Variants in ST6GALNAC3 observed in about 807,000 individuals in gnomAD.
ST6GALNAC3 encodes the protein ST6 N-acetylgalactosaminide alpha-2,6-sialyltransferase 3.
Under a neutral mutation model 32.7 loss-of-function variants are expected in ST6GALNAC3, and 25 were observed. The observed-to-expected ratio is 0.76, with a 90% CI of 0.56 to 1.07. ST6GALNAC3 has a LOEUF of 1.07. Ranked by LOEUF, ST6GALNAC3 falls within the 50% of genes least tolerant of loss-of-function variation. ST6GALNAC3 has a pLI of 0.00. For missense variants in ST6GALNAC3, 355 were observed against 382.4 expected (o/e 0.93, Z 0.60); for synonymous variants, 129 against 133.1 (o/e 0.97, Z 0.21).
chr1:76,247,952 G>A (rs1288896983), intron 1 of ST6GALNAC3, among the ~76,000 whole-genome samples: 1 of 151,734 alleles, frequency 6.6e-6, no homozygotes, highest in Non-Finnish European at 1.5e-5. Context: ...CCCTGGTGGT[G>A]TAGGCTCACC....
chr1:76,591,454 G>C (rs1167610002), intron 3 of ST6GALNAC3, among the ~76,000 whole-genome samples: 3 of 152,060 alleles, frequency 2.0e-5, no homozygotes, highest in Admixed American at 1.3e-4. Flanking sequence ...TTTTTCCAGA[G>C]AGCCCAGGGC....
chr1:76,168,250 G>A (rs1652254002), intron 1 of ST6GALNAC3, among the ~76,000 whole-genome samples: 1 of 152,124 alleles, frequency 6.6e-6, no homozygotes, highest in African/African-American at 2.4e-5. Context: ...TTACCTCAAA[G>A]CCATTTAGGA....
At chr1:76,155,818 A>C (rs1030058469) in intron 1 of ST6GALNAC3, among the ~76,000 whole-genome samples, 1 of 152,050 alleles carries the variant, frequency 6.6e-6, no homozygotes, top group Non-Finnish European at 1.5e-5. Flanking sequence ...TTGTTGTTTT[A>C]ATCATATTAG....
intron 1 of ST6GALNAC3, among the ~76,000 whole-genome samples, chr1:76,126,037 T>C (rs1432021640): frequency 1.3e-5 from 2 of 152,212 alleles, no homozygotes; most frequent in Non-Finnish European, 2.9e-5. Context: ...GGAAATCTTA[T>C]TGGATTTTCA....
intron 1 of ST6GALNAC3, among the ~76,000 whole-genome samples, chr1:76,257,906 G>A (rs997544826): frequency 1.3e-5 from 2 of 151,992 alleles, no homozygotes; most frequent in African/African-American, 2.4e-5. Context: ...GTGGAATCTC[G>A]CTCTATAAAG....
At chr1:76,594,774 T>G (rs985830560) in intron 3 of ST6GALNAC3, among the ~76,000 whole-genome samples, 5 of 152,204 alleles carry the variant, frequency 3.3e-5, no homozygotes, top group Non-Finnish European at 1.5e-5. Context: ...ATGCTGATTC[T>G]TGATTTTATT....
intron 1 of ST6GALNAC3, among the ~76,000 whole-genome samples, chr1:76,142,013 C>G (rs182135807): frequency 6.6e-6 from 1 of 152,242 alleles, no homozygotes; most frequent in Admixed American, 6.5e-5. Context: ...ATCTCCAGGG[C>G]AAAGGGATCA....
At position 76,139,188 on chromosome 1, in the gene ST6GALNAC3, C is replaced by T. The variant is rs548965196; in HGVS notation, c.18+64304C>T. On this transcript the variant is annotated intron_variant, in intron 1 of 4. Transcript: ENST00000328299. ...CAGCCTGGGCGACAGAGCGAGACTC[C>T]GTCTCAATGGAAAAAAAAAAAAAAA... 7.3e-5 allele frequency among the ~76,000 whole-genome samples: 11 copies of T among 150,662 alleles called. No homozygotes were observed. In the East Asian group the frequency reaches 2.2e-3, roughly 30 times the overall value.
chr1:76,505,894 C>T (rs988141230), intron 3 of ST6GALNAC3, among the ~76,000 whole-genome samples: 6 of 151,968 alleles, frequency 3.9e-5, no homozygotes, highest in South Asian at 2.1e-4. Flanking sequence ...GGAACAGTGT[C>T]GATTTGGCCA....
intron 3 of ST6GALNAC3, among the ~76,000 whole-genome samples, chr1:76,575,054 A>G (rs554801483): frequency 6.6e-6 from 1 of 152,160 alleles, no homozygotes; most frequent in Non-Finnish European, 1.5e-5. Flanking sequence ...CAAAATATTC[A>G]TTTTTATAGC....
intron 3 of ST6GALNAC3, among the ~76,000 whole-genome samples, chr1:76,459,328 G>C (rs1363156394): frequency 6.6e-6 from 1 of 152,148 alleles, no homozygotes; most frequent in African/African-American, 2.4e-5. Flanking sequence ...ACTTTGGGAG[G>C]CCAAGGCAGG....
At chr1:76,210,809 T>C (rs6671258) in intron 1 of ST6GALNAC3, among the ~76,000 whole-genome samples, 107,893 of 152,140 alleles carry the variant, frequency 0.71, 40,490 homozygotes, top group East Asian at 0.93. Context: ...TCCAATGGCA[T>C]GATCTCAGCT....
At chr1:76,484,222 T>C (rs1659942203) in intron 3 of ST6GALNAC3, among the ~76,000 whole-genome samples, 2 of 152,202 alleles carry the variant, frequency 1.3e-5, no homozygotes, top group African/African-American at 2.4e-5. Flanking sequence ...TTTGGTTCCA[T>C]ATGAACTTTA....
chr1:76,406,038 T>C (rs1471822174), intron 2 of ST6GALNAC3, among the ~76,000 whole-genome samples: 1 of 151,938 alleles, frequency 6.6e-6, no homozygotes, highest in South Asian at 2.1e-4. Flanking sequence ...TCAGAACAAT[T>C]CATTTGTATG....
At chr1:76,391,041 G>T (rs1448637584) in intron 2 of ST6GALNAC3, among the ~76,000 whole-genome samples, 5 of 150,884 alleles carry the variant, frequency 3.3e-5, no homozygotes. Flanking sequence ...CCAGGATCAC[G>T]CCATTCTCCT....
chr1:76,352,364 CTT>C (rs35217803), intron 2 of ST6GALNAC3, among the ~76,000 whole-genome samples: 49 of 146,524 alleles, frequency 3.3e-4, no homozygotes, highest in African/African-American at 5.0e-4. Flanking sequence ...CTATTTCCTC[CTT>C]TTTTTTTTTT....
chr1:76,485,172 T>A (rs1274866471), intron 3 of ST6GALNAC3, among the ~76,000 whole-genome samples: 4 of 152,176 alleles, frequency 2.6e-5, no homozygotes, highest in Non-Finnish European at 5.9e-5. Context: ...GGGATATTGG[T>A]CTAAAATTCT....
At chr1:76,187,804 A>G (rs575574999) in intron 1 of ST6GALNAC3, among the ~76,000 whole-genome samples, 6 of 152,260 alleles carry the variant, frequency 3.9e-5, no homozygotes, top group African/African-American at 1.4e-4. Flanking sequence ...CCCTGTGTCT[A>G]CAGATACCCA....
intron 1 of ST6GALNAC3, among the ~76,000 whole-genome samples, chr1:76,310,391 AAGGCTGTGGTAGTTAGT>A: frequency 6.6e-6 from 1 of 152,256 alleles, no homozygotes; most frequent in Non-Finnish European, 1.5e-5. Flanking sequence ...TAAATGAGGT[AAGGCTGTGGTAGTTAGT>A]GGTGAGATAA....
Sources: gnomAD v4.1 joint callset for allele counts (sites outside exome capture counted in the v4.1 genomes callset) on GRCh38, gnomAD v4.1.1 for gene constraint, MANE v1.5 for transcripts, NCBI Gene and HGNC (gene_info 2026-07-23, HGNC 2026-07-21) for gene names.